MAGI2: variants seen among roughly 807,000 people sequenced by gnomAD.
MAGI2 encodes the protein membrane-associated guanylate kinase, WW and PDZ domain-containing protein 2.
Under a neutral mutation model 133.3 loss-of-function variants are expected in MAGI2, and 35 were observed. The ratio of observed to expected loss-of-function variants is 0.26; its 90% confidence interval spans 0.20 to 0.35. The LOEUF is 0.35. Among genes scored for constraint, MAGI2 ranks in the 10% least tolerant of loss-of-function variants. The pLI, the probability that MAGI2 is intolerant of heterozygous loss-of-function variation, is 1.00. For synonymous variants in MAGI2, 729 were observed against 710.6 expected, an observed-to-expected ratio of 1.03 and a Z score of -0.41; for missense variants, 1,636 against 1,863.4, an observed-to-expected ratio of 0.88 and a Z score of 2.25.
intron 2 of MAGI2, among the ~76,000 whole-genome samples, chr7:78,984,683 C>T (rs1011447404): frequency 5.3e-5 from 8 of 151,808 alleles, no homozygotes; most frequent in Admixed American, 6.6e-5. Context: ...CATGCACACA[C>T]GCCCTTCATC....
chr7:78,194,999 T>C lies in MAGI2; in HGVS notation c.2144A>G (p.Gln715Arg). ...AAGGGCAGGTGGGAAGGGCAGGTTCTGCGGTATGGCCGGAGCAGATAAACT... is the reference window on the plus strand; with the variant it reads ...AAGGGCAGGTGGGAAGGGCAGGTTCCGCGGTATGGCCGGAGCAGATAAACT... ...QTSLSAPAIP[Q>R]NLPFPPALHR... is the part of the protein sequence containing the mutation. Residue 715 changes from glutamine (Q) to arginine (R), a missense_variant, in exon 12 of 22, where the codon CAG becomes CGG. Physicochemically the swap from Gln to Arg is conservative, Grantham distance 43. Around this residue, in one of 5 missense-constraint regions of MAGI2, gnomAD observed 920 missense variants for 1,093.5 expected, o/e 0.84. Coordinates refer to ENST00000354212, the MANE Select transcript of MAGI2 (RefSeq NM_012301.4). The C allele has an allele frequency of 6.2e-7, 1 of 1,614,128 alleles. No individual in the cohort carries two copies. Among genetic ancestry groups the C allele is most frequent in the Non-Finnish European group, 8.5e-7 (1 of 1,179,978 alleles).
At chr7:78,332,775 A>T (rs891403414) in intron 9 of MAGI2, among the ~76,000 whole-genome samples, 1 of 151,684 alleles carries the variant, frequency 6.6e-6, no homozygotes, top group Admixed American at 6.6e-5. Flanking sequence ...GTGAGAGGTC[A>T]TGTTATTGGT....
chr7:79,080,096 C>G (rs1415386764), intron 1 of MAGI2, among the ~76,000 whole-genome samples: 2 of 152,116 alleles, frequency 1.3e-5, no homozygotes, highest in Non-Finnish European at 2.9e-5. Flanking sequence ...ACCTATTTGA[C>G]TGCTTCAAAT....
chr7:78,244,190 A>G (rs1489893816), intron 10 of MAGI2, among the ~76,000 whole-genome samples: 1 of 147,814 alleles, frequency 6.8e-6, no homozygotes, highest in Non-Finnish European at 1.5e-5. Flanking sequence ...AAAAAAAAAA[A>G]AAAGAAAAAG....
intron 1 of MAGI2, among the ~76,000 whole-genome samples, chr7:79,281,623 G>GTGCA (rs533955593): frequency 1.3e-5 from 2 of 152,200 alleles, no homozygotes; most frequent in South Asian, 4.2e-4. Context: ...CATATTAAGA[G>GTGCA]GTGGACATTT....
chr7:78,293,778 C>G (rs1796958009), intron 9 of MAGI2, among the ~76,000 whole-genome samples: 1 of 152,086 alleles, frequency 6.6e-6, no homozygotes, highest in African/African-American at 2.4e-5. Context: ...AGTTCATGTC[C>G]TTTGTAGGGA....
At chr7:78,168,874 T>A (rs1479595651) in intron 14 of MAGI2, among the ~76,000 whole-genome samples, 1 of 152,206 alleles carries the variant, frequency 6.6e-6, no homozygotes, top group Non-Finnish European at 1.5e-5. Context: ...AGCAAACTCA[T>A]AGTTGGCTTT....
intron 5 of MAGI2, among the ~76,000 whole-genome samples, chr7:78,493,534 AGGTG>A (rs1265008646): frequency 6.6e-6 from 1 of 152,146 alleles, no homozygotes; most frequent in Non-Finnish European, 1.5e-5. Flanking sequence ...GGTTGGGGGA[AGGTG>A]GGTAACTTGC....
chr7:79,260,140 A>G (rs1360971329), intron 1 of MAGI2, among the ~76,000 whole-genome samples: 2 of 152,088 alleles, frequency 1.3e-5, no homozygotes, highest in African/African-American at 4.8e-5. Context: ...GATCGCTTGA[A>G]CTCAGGAGTT....
chr7:79,360,515 T>A (rs848958), intron 1 of MAGI2, among the ~76,000 whole-genome samples: 53,576 of 151,668 alleles, frequency 0.35, 10,712 homozygotes, highest in African/African-American at 0.55. Context: ...AAATTATACT[T>A]GATCACTGAA....
rs1267298735 is a variant in MAGI2, at chr7:79,436,910, G to A, written c.301+16110C>T. On this transcript the variant is annotated intron_variant, in intron 1 of 21. Coordinates refer to ENST00000354212, the MANE Select transcript of MAGI2 (RefSeq NM_012301.4). ...TACCTGAATGCATATGTTCACTGCA[G>A]CACTAAACACAATAGCAAAGCCATG... Among the ~76,000 whole-genome samples, 3 of 152,094 alleles carry A rather than the reference G, an allele frequency of 2.0e-5. No homozygotes were observed. The East Asian group carries it at 5.8e-4, about 29-fold the overall frequency.
chr7:79,216,442 G>C (rs573017592), intron 1 of MAGI2, among the ~76,000 whole-genome samples: 2 of 152,006 alleles, frequency 1.3e-5, no homozygotes, highest in Non-Finnish European at 2.9e-5. Context: ...CTTGTGAAAA[G>C]GCAGAGGGCC....
chr7:79,287,115 C>T (rs1465715548), intron 1 of MAGI2, among the ~76,000 whole-genome samples: 1 of 152,010 alleles, frequency 6.6e-6, no homozygotes, highest in Non-Finnish European at 1.5e-5. Context: ...GAGGGTGGTC[C>T]TTGAACTAGC....
At chr7:78,625,324 T>C (rs976027651) in intron 3 of MAGI2, among the ~76,000 whole-genome samples, 2 of 151,928 alleles carry the variant, frequency 1.3e-5, no homozygotes, top group African/African-American at 2.4e-5. Context: ...AATTTAAGTA[T>C]AGTAATTATA....
At chr7:79,412,025 C>A (rs988012458) in intron 1 of MAGI2, 1 of 151,936 alleles carries the variant, frequency 6.6e-6, no homozygotes, top group African/African-American at 2.4e-5. Context: ...TAAGCATAAA[C>A]ATTTACTTTT....
intron 1 of MAGI2, among the ~76,000 whole-genome samples, chr7:79,107,169 G>A (rs1818517399): frequency 6.6e-6 from 1 of 152,152 alleles, no homozygotes; most frequent in South Asian, 2.1e-4. Flanking sequence ...TGAATAAGTG[G>A]AGAGCTTTCT....
At chr7:78,875,680 C>A (rs893273577) in intron 2 of MAGI2, among the ~76,000 whole-genome samples, 2 of 151,846 alleles carry the variant, frequency 1.3e-5, no homozygotes, top group Non-Finnish European at 2.9e-5. Flanking sequence ...AATTTCAACC[C>A]AAAATTACTA....
chr7:78,977,503 GAA>G (rs1156353299), intron 2 of MAGI2, among the ~76,000 whole-genome samples: 8 of 32,816 alleles, frequency 2.4e-4, no homozygotes, highest in African/African-American at 5.8e-4. Flanking sequence ...AAGAAAGAAA[GAA>G]AGAAAGAAAG....
chr7:78,774,448 T>G (rs1825824700), intron 2 of MAGI2, among the ~76,000 whole-genome samples: 2 of 152,162 alleles, frequency 1.3e-5, no homozygotes, highest in Non-Finnish European at 2.9e-5. Flanking sequence ...AAACCAAGAA[T>G]CCTCTTCTCT....
Sources: allele counts gnomAD v4.1 joint callset (sites outside exome capture counted in the v4.1 genomes callset), GRCh38; gene constraint gnomAD v4.1.1; regional missense constraint gnomAD v4.1.1; transcripts MANE v1.5; gene names NCBI Gene and HGNC (gene_info 2026-07-23, HGNC 2026-07-21).